TNFRSF21: variants seen among roughly 807,000 people sequenced by gnomAD.
The protein encoded by TNFRSF21 is tumor necrosis factor receptor superfamily member 21.
TNFRSF21 carries 19 observed loss-of-function variants against 45.6 expected under a neutral mutation model. That is an observed-to-expected ratio of 0.42 (90% CI 0.29 to 0.61). The LOEUF is 0.61. Among genes scored for constraint, TNFRSF21 ranks in the 20% least tolerant of loss-of-function variants. TNFRSF21 has a pLI of 0.23. For missense variants in TNFRSF21, 737 were observed against 851.5 expected (o/e 0.87, Z 1.67); for synonymous variants, 314 against 335.5 (o/e 0.94, Z 0.70).
intron 4 of TNFRSF21, among the ~76,000 whole-genome samples, chr6:47,252,532 T>A (rs1468041891): frequency 6.6e-6 from 1 of 152,218 alleles, no homozygotes; most frequent in East Asian, 1.9e-4. Flanking sequence ...AGTCAGGCAT[T>A]TTATATGCTT....
intron 1 of TNFRSF21, among the ~76,000 whole-genome samples, chr6:47,299,836 TC>T (rs1185311846): frequency 6.6e-6 from 1 of 152,218 alleles, no homozygotes; most frequent in Admixed American, 6.5e-5. Flanking sequence ...CTGGTGGCAT[TC>T]TAAATTAATT....
At chr6:47,303,763 T>C (rs1036529511) in intron 1 of TNFRSF21, among the ~76,000 whole-genome samples, 1 of 152,212 alleles carries the variant, frequency 6.6e-6, no homozygotes, top group African/African-American at 2.4e-5. Context: ...GGTGGCAGCA[T>C]GCAAGCCAAT....
intron 4 of TNFRSF21, among the ~76,000 whole-genome samples, chr6:47,244,352 T>C (rs1264320508): frequency 2.0e-5 from 3 of 149,804 alleles, no homozygotes; most frequent in Admixed American, 6.7e-5. Flanking sequence ...AAGGCTTCAG[T>C]ATTTCCTTCT....
chr6:47,234,597 C>T lies in TNFRSF21; in HGVS notation c.1738+73G>A, dbSNP rs1475018635. 31 of 1,223,548 alleles carry T rather than the reference C, an allele frequency of 2.5e-5. No individual in the cohort carries two copies. In the Admixed American group the frequency reaches 6.1e-4, roughly 24 times the overall value. The allele number at this position is 1,223,548 out of a possible 1,614,324, so 75.8% of individuals were successfully genotyped here. On this transcript the variant is annotated intron_variant, in intron 5 of 5. Transcript: ENST00000296861. Reference sequence around the variant, plus strand: ...CTCTCAGCTACAACTGGACTGTGGACGGGGAGGGACGAATCCCAGGGGCTC... The same window carrying T: ...CTCTCAGCTACAACTGGACTGTGGATGGGGAGGGACGAATCCCAGGGGCTC...
At chr6:47,296,736 G>T (rs1762795276) in intron 1 of TNFRSF21, among the ~76,000 whole-genome samples, 1 of 152,234 alleles carries the variant, frequency 6.6e-6, no homozygotes, top group Admixed American at 6.5e-5. Context: ...GGAGGATGGG[G>T]ATGGGCATGG....
chr6:47,258,398 G>GA (rs1491325677), intron 3 of TNFRSF21, among the ~76,000 whole-genome samples: 2 of 131,052 alleles, frequency 1.5e-5, no homozygotes, highest in Non-Finnish European at 3.3e-5. Flanking sequence ...AGTAATTGTG[G>GA]TTTTTTTTTT....
chr6:47,253,222 C>A (rs753744617), intron 4 of TNFRSF21, 34 bp downstream of exon 4: 1 of 1,601,428 alleles, frequency 6.2e-7, no homozygotes, highest in South Asian at 1.1e-5. Flanking sequence ...GGCAATAGGT[C>A]GGTGGTAATG....
chr6:47,242,645 C>T (rs554838927), intron 4 of TNFRSF21, among the ~76,000 whole-genome samples: 32 of 152,336 alleles, frequency 2.1e-4, no homozygotes, highest in Non-Finnish European at 4.4e-4. Context: ...AGCCCCGCCC[C>T]GCTACCGGCA....
intron 1 of TNFRSF21, among the ~76,000 whole-genome samples, chr6:47,298,355 AG>A (rs1561953099): frequency 6.7e-6 from 1 of 150,310 alleles, no homozygotes; most frequent in Non-Finnish European, 1.5e-5. Flanking sequence ...TGAGTGAGGT[AG>A]GAGGATCACT....
chr6:47,263,276 G>A (rs138587536), intron 3 of TNFRSF21, among the ~76,000 whole-genome samples: 1 of 152,288 alleles, frequency 6.6e-6, no homozygotes, highest in Non-Finnish European at 1.5e-5. Flanking sequence ...TTTGGTGTTA[G>A]ACATCTTAAG....
Position 47,265,398 on chromosome 6 carries a change from T to TTTTG in TNFRSF21, c.1244-11878_1244-11877insCAAA, listed in dbSNP as rs553813693. ...TTTTGTTTTGTTTTGTTTTGTTTTG[T>TTTTG]TTTTTTTAAATCAACCACAAAAGGT... On this transcript the variant is annotated intron_variant, in intron 3 of 5. Transcript: ENST00000296861. Among the ~76,000 whole-genome samples, 174 of 73,984 alleles carry TTTTG rather than the reference T, an allele frequency of 2.4e-3. 1 individual carries two copies. The highest frequency in any genetic ancestry group is 6.5e-3 in the African/African-American group (149 of 22,996). The allele number at this position is 73,984 out of a possible 152,430, so 48.5% of individuals were successfully genotyped here. A position where few individuals can be genotyped will look rare whatever the true frequency, so the allele number is the denominator to read the frequency against.
chr6:47,268,736 G>T (rs1257337338), intron 3 of TNFRSF21, among the ~76,000 whole-genome samples: 5 of 152,052 alleles, frequency 3.3e-5, no homozygotes, highest in African/African-American at 1.2e-4. Context: ...ACCATTACCG[G>T]TGTCATCCAG....
In TNFRSF21 at chr6:47,243,182, G is replaced by C. The variant is rs535679087; in HGVS notation, c.1510-8284C>G. On this transcript the variant is annotated intron_variant, in intron 4 of 5. Coordinates refer to ENST00000296861, the MANE Select transcript of TNFRSF21 (RefSeq NM_014452.5). ...GGTCTACAAGTCTAAGTTAACCTTT[G>C]ACCTTAACCTCTGACTTCCAAGTCT... Among the ~76,000 whole-genome samples, 13 of 152,192 alleles carry C rather than the reference G, an allele frequency of 8.5e-5. No homozygotes were observed. In the South Asian group the frequency reaches 2.7e-3, roughly 32 times the overall value.
intron 1 of TNFRSF21, among the ~76,000 whole-genome samples, chr6:47,288,769 G>A (rs887875630): frequency 1.3e-5 from 2 of 152,168 alleles, no homozygotes; most frequent in Middle Eastern, 3.2e-3. Flanking sequence ...TTTTTCAGAC[G>A]CTTTGCCTAC....
intron 1 of TNFRSF21, among the ~76,000 whole-genome samples, chr6:47,305,862 G>A (rs1047478945): frequency 3.3e-5 from 5 of 152,118 alleles, no homozygotes; most frequent in South Asian, 2.1e-4. Context: ...CAGTTAAAGC[G>A]AGCTCCCCGA....
chr6:47,232,295 G>A lies in TNFRSF21; in HGVS notation c.*470C>T, dbSNP rs1485299405. The A allele has an allele frequency of 6.5e-6, 1 of 152,822 alleles. No homozygotes were observed. The highest frequency in any genetic ancestry group is 1.5e-5 in the Non-Finnish European group (1 of 68,296). The allele number at this position is 152,822 out of a possible 1,614,324, so 9.5% of individuals were successfully genotyped here. On this transcript the variant is annotated 3_prime_UTR_variant, in exon 6 of 6. Transcript: ENST00000296861. Reference sequence around the variant, plus strand: ...ATATTTGTTTTTAAAAAGTAGGTGTGAATGTTAAGAGACATAAAGACTGCT... The same window carrying A: ...ATATTTGTTTTTAAAAAGTAGGTGTAAATGTTAAGAGACATAAAGACTGCT...
At chr6:47,250,729 G>C (rs1764890102) in intron 4 of TNFRSF21, among the ~76,000 whole-genome samples, 1 of 152,238 alleles carries the variant, frequency 6.6e-6, no homozygotes, top group Non-Finnish European at 1.5e-5. Context: ...TGAGAATAAG[G>C]AGTCTCAATT....
chr6:47,294,630 T>A (rs1410725344), intron 1 of TNFRSF21, among the ~76,000 whole-genome samples: 5 of 152,132 alleles, frequency 3.3e-5, no homozygotes, highest in African/African-American at 1.2e-4. Flanking sequence ...AGAATTACAC[T>A]CTGCAGGGTG....
At chr6:47,251,125 G>A (rs1764896212) in intron 4 of TNFRSF21, among the ~76,000 whole-genome samples, 1 of 152,078 alleles carries the variant, frequency 6.6e-6, no homozygotes, top group African/African-American at 2.4e-5. Context: ...AAGCATATCA[G>A]ATAAAGGATA....
Sources: gnomAD v4.1 joint callset for allele counts (sites outside exome capture counted in the v4.1 genomes callset) on GRCh38, gnomAD v4.1.1 for gene constraint, MANE v1.5 for transcripts, NCBI Gene and HGNC (gene_info 2026-07-23, HGNC 2026-07-21) for gene names.